FMN2: variants seen among roughly 807,000 people sequenced by gnomAD.
FMN2 encodes formin 2.
FMN2 carries 51 observed loss-of-function variants against 142.3 expected under a neutral mutation model. The observed-to-expected ratio is 0.36, with a 90% CI of 0.29 to 0.45. FMN2 has a LOEUF of 0.45. Ranked by LOEUF, FMN2 falls within the 20% of genes least tolerant of loss-of-function variation. The pLI is 1.00. For synonymous variants in FMN2, 882 were observed against 869.8 expected (o/e 1.01, Z -0.25); for missense variants, 1,936 against 2,122.8 (o/e 0.91, Z 1.73).
intron 13 of FMN2, among the ~76,000 whole-genome samples, chr1:240,347,392 C>T (rs938664082): frequency 6.6e-6 from 1 of 152,148 alleles, no homozygotes; most frequent in African/African-American, 2.4e-5. Context: ...ACTCTTCTTC[C>T]TCCATCTCCA....
At chr1:240,099,630 T>TC (rs1185627137) in intron 1 of FMN2, among the ~76,000 whole-genome samples, 14 of 152,188 alleles carry the variant, frequency 9.2e-5, no homozygotes, top group Admixed American at 9.2e-4. Flanking sequence ...CATTTCATTT[T>TC]CCCGACTTTG....
At position 240,178,093 on chromosome 1, in the gene FMN2, G is replaced by C. The variant is rs749069965; in HGVS notation, c.1930+25G>C. ...GGTAACCCTTTCCTTTGTCTTCAGA[G>C]ATAACTGGAAGAGGCAAGATAGAGA... On this transcript the variant is annotated intron_variant, in intron 3 of 17. Coordinates refer to ENST00000319653, the MANE Select transcript of FMN2 (RefSeq NM_020066.5). 10 of 1,548,826 alleles carry C rather than the reference G, an allele frequency of 6.5e-6. No individual in the cohort carries two copies. In the African/African-American group the frequency reaches 1.2e-4, roughly 19 times the overall value.
rs147210965 is a variant in FMN2 at position 240,208,606 on chromosome 1, C to T, written c.3794C>T (p.Pro1265Leu). 6.2e-4 allele frequency: 1,005 copies of T among 1,613,880 alleles called. 7 individuals are homozygous for T. The African/African-American group carries it at 0.011, about 18-fold the overall frequency. ...CCACAGGTGTGTGGATTTCTTCCTC[C>T]TCCATTGCCAAGTGGCTTGTTTGGA... ...PTPQVCGFLPPPLPSGLFGLG... is the reference protein window; with the variant it reads ...PTPQVCGFLPLPLPSGLFGLG... The change falls in exon 5 of 18, where the codon CCT becomes CTT. Residue 1265 changes from proline to leucine, a missense_variant. Around this residue, in one of 8 missense-constraint regions of FMN2, gnomAD observed 259 missense variants for 230.9 expected, o/e 1.12. Coordinates refer to ENST00000319653, the MANE Select transcript of FMN2 (RefSeq NM_020066.5).
intron 6 of FMN2, among the ~76,000 whole-genome samples, chr1:240,227,560 A>G (rs780503615): frequency 5.6e-4 from 85 of 152,222 alleles, no homozygotes; most frequent in Non-Finnish European, 1.0e-3. Flanking sequence ...TTACAAAACT[A>G]TAGTAATTAA....
chr1:240,316,575 A>G (rs1314371422), intron 8 of FMN2, among the ~76,000 whole-genome samples: 2 of 152,164 alleles, frequency 1.3e-5, no homozygotes, highest in African/African-American at 4.8e-5. Context: ...AAGACTCAAC[A>G]GGAAATGTTG....
intron 3 of FMN2, among the ~76,000 whole-genome samples, chr1:240,184,108 C>G (rs1369556703): frequency 6.6e-6 from 1 of 151,756 alleles, no homozygotes; most frequent in African/African-American, 2.4e-5. Flanking sequence ...TGTTTTGTTT[C>G]GTGAGTGAAA....
intron 2 of FMN2, among the ~76,000 whole-genome samples, chr1:240,173,979 T>A (rs1664809679): frequency 1.3e-5 from 2 of 152,204 alleles, no homozygotes; most frequent in South Asian, 4.1e-4. Flanking sequence ...AGTAGGATGA[T>A]GGCTCTCTAG....
intron 2 of FMN2, among the ~76,000 whole-genome samples, chr1:240,152,822 C>T (rs1379880328): frequency 1.3e-5 from 2 of 152,154 alleles, no homozygotes; most frequent in African/African-American, 2.4e-5. Context: ...TGCAAGTCAC[C>T]ACCTCCTTCT....
At chr1:240,337,016 G>C (rs912164455) in intron 13 of FMN2, among the ~76,000 whole-genome samples, 1 of 151,782 alleles carries the variant, frequency 6.6e-6, no homozygotes, top group Non-Finnish European at 1.5e-5. Flanking sequence ...GTAGAATTTC[G>C]TATCAACAAC....
intron 13 of FMN2, among the ~76,000 whole-genome samples, chr1:240,346,374 A>G (rs1304955223): frequency 1.3e-5 from 2 of 151,722 alleles, no homozygotes; most frequent in Non-Finnish European, 2.9e-5. Context: ...CAAATGTGGT[A>G]TCTCTCTCTC....
At chr1:240,470,217 A>AAC (rs72106608) in intron 16 of FMN2, among the ~76,000 whole-genome samples, 2 of 97,576 alleles carry the variant, frequency 2.0e-5, no homozygotes, top group African/African-American at 7.2e-5. Flanking sequence ...GAAAAAAAAA[A>AAC]AAAAAACAGT....
chr1:240,099,732 CT>C (rs1418160392), intron 1 of FMN2, among the ~76,000 whole-genome samples: 2 of 152,296 alleles, frequency 1.3e-5, no homozygotes, highest in East Asian at 3.9e-4. Flanking sequence ...TCCGTTTCCT[CT>C]TTGTATCTTT....
chr1:240,397,736 GC>G (rs1673827856), intron 15 of FMN2, among the ~76,000 whole-genome samples: 2 of 130,254 alleles, frequency 1.5e-5, no homozygotes, highest in South Asian at 5.0e-4. Flanking sequence ...GTTGCAGTGA[GC>G]CAAGATCGCA....
chr1:240,244,941 TATCA>T (rs1032321639), intron 6 of FMN2, among the ~76,000 whole-genome samples: 2 of 152,240 alleles, frequency 1.3e-5, no homozygotes, highest in African/African-American at 4.8e-5. Context: ...GCTTACAATA[TATCA>T]ATCATTGTGC....
At chr1:240,215,906 G>A (rs548882906) in intron 6 of FMN2, among the ~76,000 whole-genome samples, 7 of 151,708 alleles carry the variant, frequency 4.6e-5, no homozygotes, top group South Asian at 4.2e-4. Context: ...ACGTGGTTTC[G>A]CCATGTTGAT....
chr1:240,329,253 G>A, intron 9 of FMN2, 86 bp downstream of exon 9: 1 of 1,590,466 alleles, frequency 6.3e-7, no homozygotes, highest in East Asian at 2.2e-5. Flanking sequence ...GGTGTCTTCA[G>A]TGCATACTTG....
At chr1:240,201,252 T>G (rs543323512) in intron 4 of FMN2, among the ~76,000 whole-genome samples, 166 of 152,318 alleles carry the variant, frequency 1.1e-3, no homozygotes, top group African/African-American at 4.0e-3. Flanking sequence ...TCCACCATCC[T>G]TTAGTTTGGC....
chr1:240,110,597 G>A (rs1042244744), intron 1 of FMN2, among the ~76,000 whole-genome samples: 4 of 152,148 alleles, frequency 2.6e-5, no homozygotes, highest in African/African-American at 7.2e-5. Flanking sequence ...CTCAAGGTAA[G>A]AGGAGTATTT....
intron 1 of FMN2, among the ~76,000 whole-genome samples, chr1:240,114,656 C>CT (rs1219188121): frequency 0.036 from 4,990 of 137,648 alleles, 351 homozygotes; most frequent in African/African-American, 0.12. Context: ...TATATCATTT[C>CT]TTTTTTTTTT....
Sources: gnomAD v4.1 joint callset for allele counts (sites outside exome capture counted in the v4.1 genomes callset) on GRCh38, gnomAD v4.1.1 for gene constraint, gnomAD v4.1.1 regional missense constraint, MANE v1.5 for transcripts, NCBI Gene and HGNC (gene_info 2026-07-23, HGNC 2026-07-21) for gene names.